Variants in LYZL4 observed in about 807,000 individuals in gnomAD.
LYZL4 encodes the protein lysozyme-like protein 4.
A neutral mutation model predicts 17.6 loss-of-function variants in LYZL4; 13 were observed. The observed-to-expected ratio is 0.74, with a 90% CI of 0.48 to 1.18. The LOEUF (loss-of-function observed/expected upper bound fraction) is 1.18. LYZL4 is among the 50% of genes most tolerant of loss of function. LYZL4 has a pLI of 0.00. For missense variants in LYZL4, 174 were observed against 188.2 expected, an observed-to-expected ratio of 0.92 and a Z score of 0.44; for synonymous variants, 64 against 67.7, an observed-to-expected ratio of 0.95 and a Z score of 0.27.
At chr3:42,395,023 G>A (rs1402134164), downstream of LYZL4, among the ~76,000 whole-genome samples, 1 of 152,208 alleles carries the variant, frequency 6.6e-6, no homozygotes, top group African/African-American at 2.4e-5. Flanking sequence ...AACTGCAAGT[G>A]CCACTGCCAG....
chr3:42,379,930 C>A, the LYZL4 span, among the ~76,000 whole-genome samples: 297 of 152,242 alleles, frequency 2.0e-3, 3 homozygotes, highest in African/African-American at 6.8e-3. Context: ...AACACAGGAT[C>A]TCTCTCTCTC....
chr3:42,373,613 G>A, the LYZL4 span, among the ~76,000 whole-genome samples: 1 of 152,044 alleles, frequency 6.6e-6, no homozygotes. Context: ...TCTCATTGCC[G>A]GCAATGACTA....
the LYZL4 span, among the ~76,000 whole-genome samples, chr3:42,372,993 G>A: frequency 6.6e-6 from 1 of 152,070 alleles, no homozygotes; most frequent in African/African-American, 2.4e-5. Flanking sequence ...GATCCCTTGA[G>A]GTCAGGAGTT....
chr3:42,370,145 C>A, the LYZL4 span, among the ~76,000 whole-genome samples: 1 of 152,138 alleles, frequency 6.6e-6, no homozygotes, highest in Non-Finnish European at 1.5e-5. Flanking sequence ...GTTCTGGAGT[C>A]ACTAAGATTC....
At chr3:42,362,535 C>G in the LYZL4 span, among the ~76,000 whole-genome samples, 53,415 of 151,992 alleles carry the variant, frequency 0.35, 10,467 homozygotes, top group East Asian at 0.68. Flanking sequence ...GGTCTCATGA[C>G]GGCTTGCTTT....
the LYZL4 span, among the ~76,000 whole-genome samples, chr3:42,368,489 A>G: frequency 6.6e-6 from 1 of 152,144 alleles, no homozygotes; most frequent in African/African-American, 2.4e-5. Context: ...CTCATGACAT[A>G]TATGGAATTT....
chr3:42,392,880 G>A (rs970123415), downstream of LYZL4, among the ~76,000 whole-genome samples: 7 of 152,164 alleles, frequency 4.6e-5, no homozygotes, highest in African/African-American at 7.2e-5. Context: ...ACTAGTAATG[G>A]CAAGGCTGAT....
chr3:42,371,441 G>T, the LYZL4 span, among the ~76,000 whole-genome samples: 1 of 152,180 alleles, frequency 6.6e-6, no homozygotes, highest in Non-Finnish European at 1.5e-5. Flanking sequence ...ATGCAGGAAT[G>T]AACAAATGCC....
At chr3:42,383,604 A>G in the LYZL4 span, among the ~76,000 whole-genome samples, 1 of 152,170 alleles carries the variant, frequency 6.6e-6, no homozygotes, top group African/African-American at 2.4e-5. Flanking sequence ...ATAAATAGGT[A>G]GAAAGAAAGA....
chr3:42,364,605 A>G, the LYZL4 span, among the ~76,000 whole-genome samples: 2 of 151,964 alleles, frequency 1.3e-5, no homozygotes, highest in African/African-American at 4.8e-5. Flanking sequence ...TCGGTCTCCC[A>G]AAGTGCTGGG....
At chr3:42,363,440 A>G in the LYZL4 span, among the ~76,000 whole-genome samples, 8 of 152,228 alleles carry the variant, frequency 5.3e-5, no homozygotes, top group Non-Finnish European at 1.2e-4. Flanking sequence ...ATCTATTTTC[A>G]GCAAAAATAA....
the LYZL4 span, among the ~76,000 whole-genome samples, chr3:42,363,961 G>A: frequency 4.3e-4 from 65 of 152,296 alleles, no homozygotes; most frequent in African/African-American, 1.5e-3. Context: ...CTGTGATGCG[G>A]TGACCTGGCA....
At chr3:42,367,540 G>A in the LYZL4 span, among the ~76,000 whole-genome samples, 1 of 152,192 alleles carries the variant, frequency 6.6e-6, no homozygotes, top group Non-Finnish European at 1.5e-5. Context: ...ATGAGAACGG[G>A]CCAGGCACAG....
At chr3:42,402,790 T>C (rs1277130923) in intron 4 of LYZL4, among the ~76,000 whole-genome samples, 2 of 152,236 alleles carry the variant, frequency 1.3e-5, no homozygotes, top group Admixed American at 6.5e-5. Flanking sequence ...TCCTTTTACA[T>C]ATTCACCAAA....
chr3:42,397,289 C>T lies in LYZL4; in HGVS notation c.417G>A (p.Arg139=). The change falls in exon 5 of 5, where the codon CGG becomes CGA. Residue 139 remains arginine, a synonymous_variant. Transcript: ENST00000287748. The part of the protein sequence containing the change: ...RYCQYSDTLA[R]WLDGCKL The stretch of plus-strand genomic sequence containing the variant: ...GCTACAGCTTGCAACCATCCAGCCA[C>T]CGTGCCAGGGTATCGGAGTACTGGC... The T allele has an allele frequency of 1.3e-6, 2 of 1,570,408 alleles. No homozygotes were observed. The highest frequency in any genetic ancestry group is 2.4e-5 in the East Asian group (1 of 42,102).
At chr3:42,373,555 A>ATG in the LYZL4 span, among the ~76,000 whole-genome samples, 1 of 152,088 alleles carries the variant, frequency 6.6e-6, no homozygotes, top group Non-Finnish European at 1.5e-5. Flanking sequence ...GAGGGTGTGC[A>ATG]TGTGTGTGTG....
chr3:42,406,612 GA>G (rs1698758274), intron 3 of LYZL4, among the ~76,000 whole-genome samples: 1 of 152,060 alleles, frequency 6.6e-6, no homozygotes, highest in Non-Finnish European at 1.5e-5. Context: ...TGCCCATTTG[GA>G]CAGGGGTCTC....
rs1698570158 is a variant in LYZL4, at chr3:42,397,409, A to G, written c.372-75T>C. 8.5e-6 allele frequency: 9 copies of G among 1,058,932 alleles called. No individual in the cohort carries two copies. The Admixed American group carries it at 1.9e-4, about 22-fold the overall frequency. The allele number at this position is 1,058,932 out of a possible 1,614,324, so 65.6% of individuals were successfully genotyped here. On this transcript the variant is annotated intron_variant, in intron 4 of 4. Coordinates refer to ENST00000287748, the MANE Select transcript of LYZL4 (RefSeq NM_144634.4). The stretch of plus-strand genomic sequence containing the variant: ...TCTCCAGGGCTTCACAGCCCCATTC[A>G]GGCCATTTACACCTGCCTGCCCCTT...
At chr3:42,369,959 A>T in the LYZL4 span, among the ~76,000 whole-genome samples, 1 of 152,106 alleles carries the variant, frequency 6.6e-6, no homozygotes, top group Admixed American at 6.5e-5. Context: ...AGGTGGGAGG[A>T]CTGCTTGAGC....
Sources: allele counts gnomAD v4.1 joint callset (sites outside exome capture counted in the v4.1 genomes callset), GRCh38; gene constraint gnomAD v4.1.1; transcripts MANE v1.5; gene names NCBI Gene and HGNC (gene_info 2026-07-23, HGNC 2026-07-21).